Variants in KPNA7 observed in about 807,000 individuals in gnomAD.
KPNA7 encodes karyopherin subunit alpha 7.
A neutral mutation model predicts 53.7 loss-of-function variants in KPNA7; 54 were observed. The observed-to-expected ratio is 1.01, with a 90% CI of 0.81 to 1.26. The LOEUF (loss-of-function observed/expected upper bound fraction) is 1.26, where lower values mean the gene tolerates loss of function less well. KPNA7 is among the 50% of genes most tolerant of loss of function. The pLI is 0.00. For missense variants in KPNA7, 640 were observed against 644.5 expected, an observed-to-expected ratio of 0.99 and a Z score of 0.07; for synonymous variants, 276 against 259.3, an observed-to-expected ratio of 1.06 and a Z score of -0.62.
the KPNA7 span, among the ~76,000 whole-genome samples, chr7:99,150,362 G>C: frequency 9.3e-4 from 141 of 151,302 alleles, no homozygotes; most frequent in African/African-American, 2.5e-3. Context: ...GCCCCCTAAA[G>C]TGCTGGGATT....
upstream of KPNA7, among the ~76,000 whole-genome samples, chr7:99,213,062 A>G (rs1341236535): frequency 6.6e-6 from 1 of 152,098 alleles, no homozygotes; most frequent in East Asian, 1.9e-4. Flanking sequence ...GAGTTGAGAC[A>G]TAGGGCATTT....
At chr7:99,165,055 C>T in the KPNA7 span, among the ~76,000 whole-genome samples, 272 of 152,286 alleles carry the variant, frequency 1.8e-3, no homozygotes, top group Non-Finnish European at 2.7e-3. Context: ...GCAGGAGGAT[C>T]ACTTGAGCCT....
the KPNA7 span, among the ~76,000 whole-genome samples, chr7:99,166,890 T>C: frequency 1.3e-5 from 2 of 152,206 alleles, no homozygotes; most frequent in Non-Finnish European, 2.9e-5. Flanking sequence ...AGTGCTGGGA[T>C]TACAGGCGTA....
chr7:99,167,109 G>A, the KPNA7 span, among the ~76,000 whole-genome samples: 1 of 152,208 alleles, frequency 6.6e-6, no homozygotes, highest in African/African-American at 2.4e-5. Flanking sequence ...TCCAACCTCA[G>A]CCTCTCATAC....
intron 1 of KPNA7, among the ~76,000 whole-genome samples, chr7:99,216,842 A>G (rs533881648): frequency 9.2e-5 from 14 of 152,282 alleles, no homozygotes; most frequent in Non-Finnish European, 1.9e-4. Flanking sequence ...GATTACAGGC[A>G]TGAGCCACCA....
At chr7:99,171,923 G>T (rs1312479164), downstream of KPNA7, among the ~76,000 whole-genome samples, 1 of 152,174 alleles carries the variant, frequency 6.6e-6, no homozygotes, top group Non-Finnish European at 1.5e-5. Flanking sequence ...GCATGACAGA[G>T]CTCTCCAGTG....
At chr7:99,184,778 C>CT in intron 8 of KPNA7, 151 bp downstream of exon 8, 1 of 692,914 alleles carries the variant, frequency 1.4e-6, no homozygotes, top group Non-Finnish European at 2.5e-6. Context: ...CGCCCCCTTC[C>CT]TTTTTTTCAG....
chr7:99,216,843 T>C (rs933705317), intron 1 of KPNA7, among the ~76,000 whole-genome samples: 3 of 152,234 alleles, frequency 2.0e-5, no homozygotes, highest in African/African-American at 7.2e-5. Flanking sequence ...ATTACAGGCA[T>C]GAGCCACCAT....
intron 8 of KPNA7, among the ~76,000 whole-genome samples, chr7:99,184,259 A>T (rs1343856122): frequency 6.8e-6 from 1 of 146,804 alleles, no homozygotes; most frequent in Non-Finnish European, 1.5e-5. Context: ...GGCTCAATTG[A>T]TCCTCCTACC....
chr7:99,209,711 G>GAAAAAAAAAGA (rs796194540), upstream of KPNA7, among the ~76,000 whole-genome samples: 2 of 87,806 alleles, frequency 2.3e-5, no homozygotes, highest in African/African-American at 9.3e-5. Context: ...AAAAAAAAAA[G>GAAAAAAAAAGA]AAAAAAATCT....
intron 6 of KPNA7, 124 bp from the exon 7 acceptor site, chr7:99,188,687 TTTA>T (rs1270438688): frequency 1.9e-5 from 20 of 1,070,490 alleles, no homozygotes; most frequent in Admixed American, 1.6e-4. Context: ...TAAAATTTTA[TTTA>T]TTATTTTCAG....
Position 99,207,509 on chromosome 7 carries a change from A to G in KPNA7, c.-23-20T>C. On this transcript the variant is annotated intron_variant, in intron 1 of 10. Transcript: ENST00000327442. ...AGTTACCTGCAGGTTGGACAGCAACAAAGAAATTTTCAGTGCCCATTGTGT... is the reference window on the plus strand; with the variant it reads ...AGTTACCTGCAGGTTGGACAGCAACGAAGAAATTTTCAGTGCCCATTGTGT... The G allele has an allele frequency of 7.0e-7, 1 of 1,421,590 alleles. No individual in the cohort carries two copies. 88.1% of individuals were successfully genotyped at this position (1,421,590 alleles called of 1,614,324 possible). A position where few individuals can be genotyped will look rare whatever the true frequency, so the allele number is the denominator to read the frequency against.
chr7:99,203,098 A>T lies in KPNA7; in HGVS notation c.201+8T>A, dbSNP rs181157278. 2 of 1,551,642 alleles carry T rather than the reference A, an allele frequency of 1.3e-6. No individual in the cohort carries two copies. Among genetic ancestry groups the T allele is most frequent in the South Asian group, 2.4e-5 (2 of 84,052 alleles). On this transcript the variant is annotated splice_region_variant and intron_variant, in intron 3 of 10. Transcript: ENST00000327442. ...TGCCCAAGACTACTCTAAACACTAC[A>T]TACTGACCGCCACCCCTTTGGCTGT... is the stretch of plus-strand genomic sequence containing the variant.
the KPNA7 span, among the ~76,000 whole-genome samples, chr7:99,162,387 G>A: frequency 6.6e-6 from 1 of 152,086 alleles, no homozygotes; most frequent in Non-Finnish European, 1.5e-5. Context: ...CTGGGCAAAT[G>A]CAAAAGGTCA....
chr7:99,181,453 C>T (rs570554613), intron 9 of KPNA7, among the ~76,000 whole-genome samples: 3 of 152,300 alleles, frequency 2.0e-5, no homozygotes, highest in Middle Eastern at 3.4e-3. Context: ...TTTGAGAAAA[C>T]GAAGACCATG....
the KPNA7 span, among the ~76,000 whole-genome samples, chr7:99,162,822 A>G: frequency 1.3e-5 from 2 of 152,110 alleles, no homozygotes; most frequent in African/African-American, 4.8e-5. Flanking sequence ...CAATCTACGA[A>G]TAGGGGGAAA....
rs756982898 is a variant in KPNA7, at chr7:99,188,414, G to T, written c.786C>A (p.Cys262Ter). 1.9e-4 allele frequency: 300 copies of T among 1,551,534 alleles called. No individual in the cohort carries two copies. The highest frequency in any genetic ancestry group is 2.5e-4 in the Non-Finnish European group (285 of 1,147,006). The part of the protein sequence containing the change: ...HQDSEVLSDA[C>*]WALSYLTDGS... Reference sequence around the variant, plus strand: ...CGTCGGTGAGGTAGGACAGTGCCCAGCAGGCATCCGAGAGAACCTCACTGT... The same window carrying T: ...CGTCGGTGAGGTAGGACAGTGCCCATCAGGCATCCGAGAGAACCTCACTGT... Residue 262 changes from cysteine to a stop codon, truncating the protein, a stop_gained, in exon 7 of 11, where the codon TGC (cysteine) becomes TGA (stop). Transcript: ENST00000327442. LOFTEE classifies it high-confidence loss of function.
chr7:99,215,451 G>A (rs1237083199), intron 1 of KPNA7, among the ~76,000 whole-genome samples: 1 of 148,998 alleles, frequency 6.7e-6, no homozygotes, highest in Non-Finnish European at 1.5e-5. Flanking sequence ...TTGAAGCCGA[G>A]AAAGCTCAGC....
At chr7:99,166,951 C>G in the KPNA7 span, among the ~76,000 whole-genome samples, 1 of 152,204 alleles carries the variant, frequency 6.6e-6, no homozygotes, top group Non-Finnish European at 1.5e-5. Flanking sequence ...GCCCACACAG[C>G]TTTTTCTGAA....
Sources: allele counts gnomAD v4.1 joint callset (sites outside exome capture counted in the v4.1 genomes callset), GRCh38; gene constraint gnomAD v4.1.1; transcripts MANE v1.5; gene names NCBI Gene and HGNC (gene_info 2026-07-23, HGNC 2026-07-21).